COPG2: variants seen among roughly 807,000 people sequenced by gnomAD.
COPG2 encodes coat protein complex I subunit gamma 2.
In COPG2, 37 loss-of-function variants were observed where a neutral mutation model predicts 46.3. That is an observed-to-expected ratio of 0.80 (90% CI 0.61 to 1.05). COPG2 has a LOEUF of 1.05. Ranked by LOEUF, COPG2 falls within the 50% of genes least tolerant of loss-of-function variation. COPG2 has a pLI of 0.00. For synonymous variants in COPG2, 159 were observed against 129.7 expected, an observed-to-expected ratio of 1.23 and a Z score of -1.53; for missense variants, 427 against 387.8, an observed-to-expected ratio of 1.10 and a Z score of -0.85.
chr7:130,531,624 G>C (rs1799826254), intron 20 of COPG2, among the ~76,000 whole-genome samples: 1 of 152,156 alleles, frequency 6.6e-6, no homozygotes. Flanking sequence ...GTATTTCAGA[G>C]AGAAAATAAG....
intron 9 of COPG2, chr7:130,604,647 T>C: frequency 2.1e-6 from 1 of 481,718 alleles, no homozygotes; most frequent in East Asian, 5.6e-5. Flanking sequence ...CCTTTCAAAT[T>C]TTTAGGTATT....
chr7:130,664,031 G>A (rs561705024), intron 3 of COPG2, among the ~76,000 whole-genome samples: 17 of 152,194 alleles, frequency 1.1e-4, no homozygotes, highest in Middle Eastern at 3.4e-3. Flanking sequence ...GAGCCACTGC[G>A]CCTGGCCTGA....
intron 9 of COPG2, among the ~76,000 whole-genome samples, chr7:130,609,769 C>T (rs1794805635): frequency 6.6e-6 from 1 of 152,102 alleles, no homozygotes; most frequent in Non-Finnish European, 1.5e-5. Flanking sequence ...CTTTTTTCCA[C>T]TGTGTCCAAT....
chr7:130,636,540 T>A, intron 5 of COPG2, among the ~76,000 whole-genome samples: 1 of 6,764 alleles, frequency 1.5e-4, no homozygotes, highest in South Asian at 0.013. Context: ...TGCAACCGGT[T>A]TTTTTTTTTT....
intron 6 of COPG2, among the ~76,000 whole-genome samples, 185 bp downstream of exon 6, chr7:130,616,805 A>G (rs533383809): frequency 3.9e-5 from 6 of 152,198 alleles, no homozygotes; most frequent in Non-Finnish European, 8.8e-5. Context: ...ATGGACTAAC[A>G]TAAATAAAGG....
intron 17 of COPG2, 24 bp from the exon 18 acceptor site, chr7:130,549,400 T>G: frequency 2.5e-6 from 1 of 398,584 alleles, no homozygotes; most frequent in Non-Finnish European, 4.4e-6. Context: ...TATGAGCAAG[T>G]AAGTGAACTT....
At chr7:130,518,184 A>G (rs1452640588) in intron 20 of COPG2, among the ~76,000 whole-genome samples, 1 of 152,222 alleles carries the variant, frequency 6.6e-6, no homozygotes, top group Non-Finnish European at 1.5e-5. Context: ...AGAGAGGTAA[A>G]TGATTTTGGG....
intron 4 of COPG2, among the ~76,000 whole-genome samples, chr7:130,657,009 T>C (rs1584615274): frequency 6.7e-6 from 1 of 150,026 alleles, no homozygotes; most frequent in African/African-American, 2.4e-5. Flanking sequence ...TATCTATATA[T>C]AATATAGATA....
At chr7:130,658,885 T>C (rs782740690) in intron 4 of COPG2, among the ~76,000 whole-genome samples, 1 of 152,032 alleles carries the variant, frequency 6.6e-6, no homozygotes, top group Admixed American at 6.6e-5. Context: ...TTTCACTATG[T>C]TGACCAGGCT....
intron 20 of COPG2, among the ~76,000 whole-genome samples, chr7:130,541,326 G>C (rs1006021094): frequency 6.6e-6 from 1 of 151,982 alleles, no homozygotes; most frequent in African/African-American, 2.4e-5. Context: ...GAGAGCAGGG[G>C]ATCTGTTGTC....
chr7:130,536,486 T>A (rs1799880863), intron 20 of COPG2, among the ~76,000 whole-genome samples: 1 of 151,804 alleles, frequency 6.6e-6, no homozygotes, highest in Non-Finnish European at 1.5e-5. Context: ...AAAAAAACAA[T>A]CTCTAAAAGG....
chr7:130,506,679 T>C lies in COPG2; in HGVS notation c.2613A>G (p.Gly871=), dbSNP rs1554440097. 1.3e-6 allele frequency: 1 copy of C among 779,366 alleles called. No individual in the cohort carries two copies. Among genetic ancestry groups the C allele is most frequent in the Non-Finnish European group, 2.4e-6 (1 of 417,186 alleles). The allele number at this position is 779,366 out of a possible 1,614,324, so 48.3% of individuals were successfully genotyped here. A position where few individuals can be genotyped will look rare whatever the true frequency, so the allele number is the denominator to read the frequency against. The part of the protein sequence containing the change: ...TPVDVILASV[G] ...TTTCCTCTTGTCCAGTAAGCATTTA[T>C]CCAACAGAAGCTAAGATAACATCTA... Residue 871 remains glycine (G), a synonymous_variant, in exon 24 of 24, where the codon GGA becomes GGG. Coordinates refer to ENST00000425248, the MANE Select transcript of COPG2 (RefSeq NM_012133.6).
intron 5 of COPG2, among the ~76,000 whole-genome samples, chr7:130,649,153 C>A (rs1370957006): frequency 2.6e-5 from 4 of 152,150 alleles, no homozygotes; most frequent in African/African-American, 9.7e-5. Flanking sequence ...TGAGTCACAC[C>A]CCTTGATCTC....
chr7:130,540,073 G>C (rs944017723), intron 20 of COPG2, among the ~76,000 whole-genome samples: 12,291 of 151,864 alleles, frequency 0.081, 826 homozygotes, highest in African/African-American at 0.18. Context: ...TGGGATTTGG[G>C]TTGGGACTGA....
chr7:130,620,963 C>A (rs991599798), intron 5 of COPG2, among the ~76,000 whole-genome samples: 27 of 152,258 alleles, frequency 1.8e-4, no homozygotes, highest in East Asian at 1.7e-3. Flanking sequence ...GCAAAAGGTA[C>A]TTTGCAGATG....
At chr7:130,665,549 C>G (rs550686169) in intron 3 of COPG2, among the ~76,000 whole-genome samples, 1 of 152,108 alleles carries the variant, frequency 6.6e-6, no homozygotes, top group South Asian at 2.1e-4. Context: ...AACAATACAG[C>G]ACAACAACTA....
chr7:130,652,896 G>A lies in COPG2; in HGVS notation c.296C>T (p.Ser99Phe). ...GCTTGTGACAATTATCACATCCTCA[G>A]AGATGGTAGCCATTTCTTTGATGGT... ...YLTIKEMATISEDVIIVTSSL... is the reference protein window; with the variant it reads ...YLTIKEMATIFEDVIIVTSSL... The change falls in exon 5 of 24, where the codon TCT becomes TTT. Residue 99 changes from serine to phenylalanine, a missense_variant. Physicochemically the swap from Ser to Phe is radical, Grantham distance 155. Transcript: ENST00000425248. 5 of 1,607,016 alleles carry A rather than the reference G, an allele frequency of 3.1e-6. No individual in the cohort carries two copies. The highest frequency in any genetic ancestry group is 3.4e-6 in the Non-Finnish European group (4 of 1,175,924).
chr7:130,550,441 A>G (rs898914348), intron 17 of COPG2, 83 bp downstream of exon 17: 36 of 314,414 alleles, frequency 1.1e-4, no homozygotes, highest in Non-Finnish European at 1.9e-4. Context: ...AAGAGTGACA[A>G]TTAAATGAGT....
chr7:130,549,602 G>C (rs1793503982), intron 17 of COPG2, among the ~76,000 whole-genome samples: 1 of 152,092 alleles, frequency 6.6e-6, no homozygotes, highest in Non-Finnish European at 1.5e-5. Flanking sequence ...AAAATATAGA[G>C]TTTGCTTTAA....
Sources: allele counts gnomAD v4.1 joint callset (sites outside exome capture counted in the v4.1 genomes callset), GRCh38; gene constraint gnomAD v4.1.1; transcripts MANE v1.5; gene names NCBI Gene and HGNC (gene_info 2026-07-23, HGNC 2026-07-21).